TTC29: variants seen among roughly 807,000 people sequenced by gnomAD.
The protein encoded by TTC29 is tetratricopeptide repeat protein 29.
TTC29 carries 49 observed loss-of-function variants against 58.1 expected under a neutral mutation model. The observed-to-expected ratio is 0.84, with a 90% confidence interval of 0.67 to 1.07. The LOEUF (loss-of-function observed/expected upper bound fraction) is 1.07, where lower values mean the gene tolerates loss of function less well. TTC29 is among the 50% of genes least tolerant of loss of function. The probability of loss-of-function intolerance (pLI) is 0.00; values close to 1 mark genes in which losing one functional copy is unlikely to be tolerated. For synonymous variants in TTC29, 209 were observed against 196.8 expected, an observed-to-expected ratio of 1.06 and a Z score of -0.52; for missense variants, 582 against 555.6, an observed-to-expected ratio of 1.05 and a Z score of -0.48.
At chr4:146,912,823 G>C (rs942636832) in intron 4 of TTC29, among the ~76,000 whole-genome samples, 1 of 152,024 alleles carries the variant, frequency 6.6e-6, no homozygotes, top group Non-Finnish European at 1.5e-5. Context: ...TGGAAGGATA[G>C]AGAGAAGTAG....
intron 11 of TTC29, among the ~76,000 whole-genome samples, chr4:146,730,512 C>CAA (rs1200015792): frequency 6.6e-6 from 1 of 151,886 alleles, no homozygotes; most frequent in Non-Finnish European, 1.5e-5. Flanking sequence ...ATGCAAATAG[C>CAA]AAAAAGAAGA....
chr4:146,765,504 C>G (rs6833886), intron 11 of TTC29, among the ~76,000 whole-genome samples: 60,058 of 151,960 alleles, frequency 0.4, 12,573 homozygotes, highest in African/African-American at 0.51. Context: ...CTCAGCCCCA[C>G]GATTTAATTT....
rs1156982571 is a variant in TTC29 at position 146,939,663 on chromosome 4, A to G, written c.92+141T>C. 10 of 718,786 alleles carry G rather than the reference A, an allele frequency of 1.4e-5. No homozygotes were observed. The East Asian group carries it at 2.9e-4, about 21-fold the overall frequency. The allele number at this position is 718,786 out of a possible 1,614,324, so 44.5% of individuals were successfully genotyped here. ...TGTGGTTCATAAATCCTTTTGAAAC[A>G]GCAGATTTCAATATTCTCAATATAA... On this transcript the variant is annotated intron_variant, in intron 3 of 12. Coordinates refer to ENST00000325106, the MANE Select transcript of TTC29 (RefSeq NM_031956.4).
intron 8 of TTC29, among the ~76,000 whole-genome samples, chr4:146,837,222 CT>C (rs367856182): frequency 6.6e-6 from 1 of 152,190 alleles, no homozygotes; most frequent in African/African-American, 2.4e-5. Context: ...AGGCCATTAT[CT>C]TTAGTAAACT....
At chr4:146,866,071 C>G (rs1730543852) in intron 8 of TTC29, among the ~76,000 whole-genome samples, 1 of 152,010 alleles carries the variant, frequency 6.6e-6, no homozygotes, top group Admixed American at 6.6e-5. Flanking sequence ...AGAATATTTT[C>G]AGAAAGATAA....
intron 6 of TTC29, among the ~76,000 whole-genome samples, chr4:146,895,039 T>C (rs1009367554): frequency 6.6e-6 from 1 of 152,184 alleles, no homozygotes; most frequent in African/African-American, 2.4e-5. Flanking sequence ...TGTGTTCTCA[T>C]CAGTCAGCTC....
intron 3 of TTC29, 151 bp downstream of exon 3, chr4:146,939,653 C>T: frequency 1.5e-6 from 1 of 682,552 alleles, no homozygotes; most frequent in Non-Finnish European, 2.5e-6. Flanking sequence ...TTCATAAATC[C>T]TTTTGAAACA....
intron 11 of TTC29, among the ~76,000 whole-genome samples, chr4:146,756,394 A>G (rs1415727672): frequency 1.3e-5 from 2 of 152,188 alleles, no homozygotes; most frequent in African/African-American, 2.4e-5. Context: ...ACTATGAATG[A>G]CATTAGCAAA....
chr4:146,738,757 G>T (rs1333283909), intron 11 of TTC29, among the ~76,000 whole-genome samples: 1 of 152,086 alleles, frequency 6.6e-6, no homozygotes, highest in African/African-American at 2.4e-5. Flanking sequence ...CGCATCTTAA[G>T]ACCCTCCCCA....
At chr4:146,854,976 G>C (rs558243365) in intron 8 of TTC29, among the ~76,000 whole-genome samples, 7 of 151,796 alleles carry the variant, frequency 4.6e-5, no homozygotes, top group African/African-American at 1.5e-4. Context: ...TTCTATTCTC[G>C]GCCATCATCT....
At chr4:146,931,559 G>A (rs1247833181) in intron 4 of TTC29, among the ~76,000 whole-genome samples, 2 of 152,140 alleles carry the variant, frequency 1.3e-5, no homozygotes, top group Non-Finnish European at 2.9e-5. Flanking sequence ...GTAACCTTAA[G>A]ACAATACAGG....
intron 5 of TTC29, among the ~76,000 whole-genome samples, chr4:146,905,844 C>T (rs1233537940): frequency 1.3e-5 from 2 of 152,134 alleles, no homozygotes; most frequent in Admixed American, 6.6e-5. Context: ...CCTGCTTAAC[C>T]TCAATGTTAG....
intron 8 of TTC29, among the ~76,000 whole-genome samples, chr4:146,844,737 C>T (rs1729061023): frequency 6.6e-6 from 1 of 152,090 alleles, no homozygotes; most frequent in African/African-American, 2.4e-5. Flanking sequence ...TTATATTTTG[C>T]TAGGAAGCCT....
chr4:146,798,108 A>T (rs1749952284), intron 11 of TTC29, among the ~76,000 whole-genome samples: 2 of 151,716 alleles, frequency 1.3e-5, no homozygotes, highest in Non-Finnish European at 2.9e-5. Flanking sequence ...TTATTCCATG[A>T]CTCTTTAAGT....
intron 11 of TTC29, among the ~76,000 whole-genome samples, chr4:146,731,858 A>G (rs1415197476): frequency 6.6e-6 from 1 of 152,194 alleles, no homozygotes; most frequent in Non-Finnish European, 1.5e-5. Flanking sequence ...TAATGAGAGC[A>G]TGTCAGAGAG....
intron 11 of TTC29, among the ~76,000 whole-genome samples, chr4:146,738,473 A>G (rs1031206994): frequency 2.0e-5 from 3 of 152,122 alleles, no homozygotes; most frequent in South Asian, 2.1e-4. Context: ...TCCATATAGT[A>G]TGATGGACTG....
At position 146,820,365 on chromosome 4, in the gene TTC29, A is replaced by G. The variant is rs1579754090; in HGVS notation, c.978-117T>C. Reference sequence around the variant, plus strand: ...GCAAGATGGTTATCAGGATAATAAGATTTAATGTGTAAATACCAAATTAAA... The same window carrying G: ...GCAAGATGGTTATCAGGATAATAAGGTTTAATGTGTAAATACCAAATTAAA... On this transcript the variant is annotated intron_variant, in intron 9 of 12. Coordinates refer to ENST00000325106, the MANE Select transcript of TTC29 (RefSeq NM_031956.4). 3 of 1,156,370 alleles carry G rather than the reference A, an allele frequency of 2.6e-6. No homozygotes were observed. The East Asian group carries it at 7.8e-5, about 30-fold the overall frequency. The allele number at this position is 1,156,370 out of a possible 1,614,324, so 71.6% of individuals were successfully genotyped here.
chr4:146,787,166 T>TAAG (rs1749085091), intron 11 of TTC29, among the ~76,000 whole-genome samples: 1 of 152,176 alleles, frequency 6.6e-6, no homozygotes. Context: ...AACTACCTAG[T>TAAG]AAGGATGAAA....
At position 146,893,924 on chromosome 4, in the gene TTC29, A is replaced by T. The variant is rs539254269; in HGVS notation, c.586+9620T>A. Among the ~76,000 whole-genome samples the T allele has an allele frequency of 2.8e-3, 431 of 152,340 alleles. 3 individuals carry two copies. The highest frequency in any genetic ancestry group is 0.01 in the Middle Eastern group (3 of 294). Reference sequence around the variant, plus strand: ...CATTTCTGCAGCCAAAAGACACATGAAAAAATACTCATCATCACTGGCCAT... The same window carrying T: ...CATTTCTGCAGCCAAAAGACACATGTAAAAATACTCATCATCACTGGCCAT... On this transcript the variant is annotated intron_variant, in intron 6 of 12. Coordinates refer to ENST00000325106, the MANE Select transcript of TTC29 (RefSeq NM_031956.4).
Sources: allele counts gnomAD v4.1 joint callset (sites outside exome capture counted in the v4.1 genomes callset), GRCh38; gene constraint gnomAD v4.1.1; transcripts MANE v1.5; gene names NCBI Gene and HGNC (gene_info 2026-07-23, HGNC 2026-07-21).